Variants in NBEA observed in about 807,000 individuals in gnomAD.
NBEA encodes the protein neurobeachin.
A neutral mutation model predicts 343.4 loss-of-function variants in NBEA; 44 were observed. The observed-to-expected ratio is 0.13, with a 90% CI of 0.10 to 0.16. The LOEUF is 0.16. Ranked by LOEUF, NBEA falls within the 10% of genes least tolerant of loss-of-function variation. The pLI is 1.00. For synonymous variants in NBEA, 1,175 were observed against 1,238.7 expected (o/e 0.95, Z 1.08); for missense variants, 2,555 against 3,631.3 (o/e 0.70, Z 7.62).
chr13:35,645,925 T>A lies in NBEA; in HGVS notation c.7674T>A (p.Phe2558Leu). The A allele has an allele frequency of 6.4e-7, 1 of 1,553,188 alleles. No homozygotes were observed. The highest frequency in any genetic ancestry group is 1.2e-5 in the South Asian group (1 of 85,228). Residue 2558 changes from phenylalanine to leucine, a missense_variant, in exon 50 of 59, where the codon TTT (phenylalanine) becomes TTA (leucine). By Grantham distance (22) the Phe-to-Leu change is conservative. Coordinates refer to ENST00000379939, the MANE Select transcript of NBEA (RefSeq NM_001385012.1). Reference sequence around the variant, plus strand: ...ACACTTTCCTTCTTACAAAGGACTTTATTAAGGTATATGTTCTGTATTTAG... The same window carrying A: ...ACACTTTCCTTCTTACAAAGGACTTAATTAAGGTATATGTTCTGTATTTAG... The part of the protein sequence containing the change: ...DPHTFLLTKD[F>L]IKAMEAQIQN...
intron 36 of NBEA, among the ~76,000 whole-genome samples, chr13:35,314,881 T>C (rs1293062641): frequency 1.3e-5 from 2 of 152,196 alleles, no homozygotes; most frequent in Admixed American, 1.3e-4. Flanking sequence ...AATTTAGACT[T>C]TTCTCTTTCA....
chr13:35,240,941 T>C (rs1306785996), intron 34 of NBEA, among the ~76,000 whole-genome samples: 2 of 151,842 alleles, frequency 1.3e-5, no homozygotes, highest in South Asian at 4.1e-4. Context: ...TAATAAAATA[T>C]TTTAATGTTC....
At chr13:35,135,217 A>G (rs1337861036) in intron 17 of NBEA, among the ~76,000 whole-genome samples, 1 of 152,092 alleles carries the variant, frequency 6.6e-6, no homozygotes, top group African/African-American at 2.4e-5. Context: ...TGCATATAGC[A>G]TTGAGTTCCT....
chr13:35,452,125 C>T lies in NBEA; in HGVS notation c.6338C>T (p.Thr2113Ile), dbSNP rs1332402237. The T allele has an allele frequency of 6.2e-7, 1 of 1,612,406 alleles. No homozygotes were observed. The highest frequency in any genetic ancestry group is 8.5e-7 in the Non-Finnish European group (1 of 1,179,102). The part of the protein sequence containing the change: ...TEEDVVKSKK[T>I]FRSQAIVNQN... ...GAAGATGTAGTAAAGTCAAAGAAAACATTCAGAAGTCAAGCAATAGTGAAC... is the reference window on the plus strand; with the variant it reads ...GAAGATGTAGTAAAGTCAAAGAAAATATTCAGAAGTCAAGCAATAGTGAAC... The change falls in exon 40 of 59, where the codon ACA (threonine) becomes ATA (isoleucine). Residue 2113 changes from threonine (T) to isoleucine (I), a missense_variant. Physicochemically the swap from Thr to Ile is moderately conservative, Grantham distance 89. This residue lies in a region of NBEA where 246 missense variants were observed against 313.7 expected (regional missense o/e 0.78). Transcript: ENST00000379939.
At chr13:35,275,355 A>G (rs1043227542) in intron 34 of NBEA, among the ~76,000 whole-genome samples, 3 of 152,334 alleles carry the variant, frequency 2.0e-5, no homozygotes, top group Admixed American at 2.0e-4. Flanking sequence ...AATTAACTCA[A>G]GATGGATTGA....
intron 1 of NBEA, among the ~76,000 whole-genome samples, chr13:35,009,087 C>T (rs1300449708): frequency 1.3e-5 from 2 of 152,152 alleles, no homozygotes; most frequent in Admixed American, 1.3e-4. Flanking sequence ...TATGTTTTAT[C>T]CATCTTTCTG....
intron 38 of NBEA, among the ~76,000 whole-genome samples, chr13:35,400,548 A>C (rs1376100629): frequency 6.6e-6 from 1 of 152,030 alleles, no homozygotes; most frequent in Non-Finnish European, 1.5e-5. Flanking sequence ...TTGAGAGAAA[A>C]AGTGAGAGGA....
At chr13:35,383,993 A>T (rs1413253790) in intron 38 of NBEA, among the ~76,000 whole-genome samples, 14 of 152,088 alleles carry the variant, frequency 9.2e-5, no homozygotes, top group Non-Finnish European at 1.6e-4. Flanking sequence ...AAAGAGAGTC[A>T]ATCTGGAAAG....
chr13:35,654,244 C>T (rs2084694974), intron 53 of NBEA, among the ~76,000 whole-genome samples: 1 of 152,112 alleles, frequency 6.6e-6, no homozygotes, highest in Admixed American at 6.6e-5. Flanking sequence ...CTTTCCTCCC[C>T]AGTCCCTCTC....
intron 46 of NBEA, among the ~76,000 whole-genome samples, chr13:35,585,904 T>G (rs576391905): frequency 6.6e-6 from 1 of 152,302 alleles, no homozygotes; most frequent in South Asian, 2.1e-4. Flanking sequence ...CTGTGGCACT[T>G]TCTTTAATTT....
At chr13:35,624,723 G>A (rs10507427) in intron 48 of NBEA, among the ~76,000 whole-genome samples, 7,199 of 151,586 alleles carry the variant, frequency 0.047, 569 homozygotes, top group African/African-American at 0.17. Context: ...GACATGATAG[G>A]TACATAGAAG....
chr13:35,228,864 A>T (rs921240348), intron 33 of NBEA, among the ~76,000 whole-genome samples: 1 of 152,134 alleles, frequency 6.6e-6, no homozygotes, highest in African/African-American at 2.4e-5. Flanking sequence ...ACCACACTTG[A>T]TAAAGTCTGT....
chr13:35,542,737 G>T (rs1407328532), intron 41 of NBEA, among the ~76,000 whole-genome samples: 1 of 151,858 alleles, frequency 6.6e-6, no homozygotes, highest in African/African-American at 2.4e-5. Context: ...GTGATATCCA[G>T]TATGTTCTAA....
chr13:35,620,409 G>A (rs2082929064), intron 48 of NBEA, among the ~76,000 whole-genome samples: 1 of 152,072 alleles, frequency 6.6e-6, no homozygotes, highest in Non-Finnish European at 1.5e-5. Context: ...GGTGGGCAAA[G>A]GGAACATTAG....
intron 45 of NBEA, among the ~76,000 whole-genome samples, chr13:35,567,518 G>A (rs1235694713): frequency 5.3e-5 from 8 of 152,166 alleles, no homozygotes; most frequent in African/African-American, 9.7e-5. Flanking sequence ...GAAATAAAAG[G>A]CAAAATTTTT....
At chr13:35,082,538 T>A (rs185663130) in intron 10 of NBEA, among the ~76,000 whole-genome samples, 24 of 152,320 alleles carry the variant, frequency 1.6e-4, no homozygotes, top group Admixed American at 1.5e-3. Context: ...CCACCAACAG[T>A]GTAAAAGTGT....
At chr13:35,115,682 C>T (rs1473452052) in intron 13 of NBEA, among the ~76,000 whole-genome samples, 1 of 152,120 alleles carries the variant, frequency 6.6e-6, no homozygotes, top group Non-Finnish European at 1.5e-5. Context: ...ATATCATGCA[C>T]AAAGCACACA....
chr13:35,418,608 A>G (rs1027815902), intron 38 of NBEA, among the ~76,000 whole-genome samples: 4 of 152,088 alleles, frequency 2.6e-5, no homozygotes, highest in Non-Finnish European at 5.9e-5. Flanking sequence ...AAGGATGGAA[A>G]GAAATAGACA....
chr13:35,346,709 A>G (rs2039899513), intron 36 of NBEA, among the ~76,000 whole-genome samples: 1 of 152,124 alleles, frequency 6.6e-6, no homozygotes, highest in Non-Finnish European at 1.5e-5. Flanking sequence ...ATCTGCAGCT[A>G]TCCTGCTGCT....
Sources: gnomAD v4.1 joint callset for allele counts (sites outside exome capture counted in the v4.1 genomes callset) on GRCh38, gnomAD v4.1.1 for gene constraint, gnomAD v4.1.1 regional missense constraint, MANE v1.5 for transcripts, NCBI Gene and HGNC (gene_info 2026-07-23, HGNC 2026-07-21) for gene names.